CCDC141: variants seen among roughly 807,000 people sequenced by gnomAD.
The protein encoded by CCDC141 is coiled-coil domain-containing protein 141.
In CCDC141, 168 loss-of-function variants were observed where a neutral mutation model predicts 181.0. The observed-to-expected ratio is 0.93, with a 90% CI of 0.82 to 1.05. The LOEUF is 1.05. Among genes scored for constraint, CCDC141 ranks in the 50% least tolerant of loss-of-function variants. CCDC141 has a pLI of 0.00. For missense variants in CCDC141, 1,902 were observed against 1,788.5 expected (o/e 1.06, Z -1.14); for synonymous variants, 666 against 642.3 (o/e 1.04, Z -0.56).
chr2:178,907,484 T>G (rs918186431), intron 7 of CCDC141, among the ~76,000 whole-genome samples: 1 of 152,248 alleles, frequency 6.6e-6, no homozygotes, highest in Non-Finnish European at 1.5e-5. Context: ...AGGAGGGATT[T>G]TAAAACTTAC....
At chr2:179,047,653 T>C (rs1227019217) in intron 1 of CCDC141, among the ~76,000 whole-genome samples, 6 of 152,342 alleles carry the variant, frequency 3.9e-5, no homozygotes, top group East Asian at 1.9e-4. Context: ...TCTTGGCATA[T>C]TGGATTTGAG....
In CCDC141 at chr2:178,944,585, C is replaced by G; in HGVS notation, c.847G>C (p.Asp283His). Residue 283 changes from aspartate (D) to histidine (H), a missense_variant, in exon 6 of 24, where the codon GAC (aspartate) becomes CAC (histidine). By Grantham distance (81) the Asp-to-His change is moderately conservative. Transcript: ENST00000443758. ...QEQSLGSSLSDNEDRIHKQEE... is the reference protein window; with the variant it reads ...QEQSLGSSLSHNEDRIHKQEE... The stretch of plus-strand genomic sequence containing the variant: ...TGCTTATGAATTCGATCCTCATTGT[C>G]TGAAAGTGATGAACCTAGACTTTGT... 6.5e-7 allele frequency: 1 copy of G among 1,540,894 alleles called. No homozygotes were observed.
chr2:178,944,898 C>T (rs1004946587), intron 5 of CCDC141, among the ~76,000 whole-genome samples: 4 of 152,010 alleles, frequency 2.6e-5, no homozygotes, highest in Admixed American at 6.6e-5. Context: ...GATTACATGG[C>T]ATGAATAAAA....
intron 2 of CCDC141, among the ~76,000 whole-genome samples, chr2:179,003,783 A>G (rs1190929146): frequency 2.0e-5 from 3 of 152,218 alleles, no homozygotes; most frequent in African/African-American, 7.2e-5. Context: ...AGTTCAAAAC[A>G]TAAGATATTT....
chr2:179,015,811 T>C (rs1559050698), intron 2 of CCDC141, among the ~76,000 whole-genome samples: 1 of 142,942 alleles, frequency 7.0e-6, no homozygotes, highest in African/African-American at 2.5e-5. Context: ...ATATGTATCA[T>C]ATATATCTCA....
At chr2:178,987,498 C>T (rs1250927512) in intron 2 of CCDC141, among the ~76,000 whole-genome samples, 1 of 152,028 alleles carries the variant, frequency 6.6e-6, no homozygotes, top group Non-Finnish European at 1.5e-5. Context: ...AGCTTCTGCA[C>T]AGCAAAAGAA....
At position 178,855,424 on chromosome 2, in the gene CCDC141, C is replaced by T. The variant is rs752646500; in HGVS notation, c.2983G>A (p.Asp995Asn). 5 of 1,611,828 alleles carry T rather than the reference C, an allele frequency of 3.1e-6. No homozygotes were observed. The highest frequency in any genetic ancestry group is 4.2e-6 in the Non-Finnish European group (5 of 1,179,186). ...TCTGTCACAACTTTGTCAAAGTCAT[C>T]CACATGTTTTTGCAAATCCTTCATG... ...EVMKDLQKHV[D>N]DFDKVVTDYK... is the part of the protein sequence containing the mutation. Residue 995 changes from aspartate to asparagine, a missense_variant, in exon 19 of 24, where the codon GAT becomes AAT. Coordinates refer to ENST00000443758, the MANE Select transcript of CCDC141 (RefSeq NM_173648.4).
chr2:178,900,481 A>G (rs2154372336), intron 8 of CCDC141, among the ~76,000 whole-genome samples: 1 of 152,244 alleles, frequency 6.6e-6, no homozygotes, highest in East Asian at 1.9e-4. Context: ...TGAAATGAAG[A>G]TGTCCATTTC....
At position 178,961,173 on chromosome 2, in the gene CCDC141, C is replaced by T; in HGVS notation, c.780+57G>A. 5.3e-6 allele frequency: 8 copies of T among 1,523,694 alleles called. No homozygotes were observed. In the South Asian group the frequency reaches 1.0e-4, roughly 19 times the overall value. The allele number at this position is 1,523,694 out of a possible 1,614,324, so 94.4% of individuals were successfully genotyped here. A position where few individuals can be genotyped will look rare whatever the true frequency, so the allele number is the denominator to read the frequency against. On this transcript the variant is annotated intron_variant, in intron 5 of 23. Coordinates refer to ENST00000443758, the MANE Select transcript of CCDC141 (RefSeq NM_173648.4). ...CAAACTGCCCCAGGGAATGGTTAAT[C>T]CATATAACAACTAATCAGCTGAGGC...
chr2:179,007,268 C>T (rs1047963597), intron 2 of CCDC141, among the ~76,000 whole-genome samples: 13 of 152,154 alleles, frequency 8.5e-5, no homozygotes, highest in African/African-American at 3.1e-4. Context: ...AGAACCTTGA[C>T]AATGTTACAG....
chr2:178,969,127 A>G (rs1326090243), intron 4 of CCDC141, among the ~76,000 whole-genome samples: 10 of 148,616 alleles, frequency 6.7e-5, no homozygotes, highest in African/African-American at 2.2e-4. Flanking sequence ...AAAAAAAAAA[A>G]AAAGCCCAGG....
chr2:178,840,079 T>C (rs1273757403), intron 22 of CCDC141, among the ~76,000 whole-genome samples: 1 of 152,234 alleles, frequency 6.6e-6, no homozygotes, highest in Non-Finnish European at 1.5e-5. Context: ...TGGATCTGAA[T>C]TGGCCTCCTG....
chr2:179,028,203 C>G (rs899106586), intron 2 of CCDC141, among the ~76,000 whole-genome samples: 1 of 152,186 alleles, frequency 6.6e-6, no homozygotes, highest in African/African-American at 2.4e-5. Flanking sequence ...GGTCATCTGT[C>G]TGCTTTATAA....
chr2:179,015,099 TATATAATATATATATA>T (rs2042412790), intron 2 of CCDC141, among the ~76,000 whole-genome samples: 3 of 50,542 alleles, frequency 5.9e-5, no homozygotes, highest in South Asian at 5.9e-4. Flanking sequence ...TATATATATA[TATATAATATATATATA>T]ATCATATATA....
At chr2:178,835,260 C>T (rs1486279138) in intron 23 of CCDC141, among the ~76,000 whole-genome samples, 2 of 152,134 alleles carry the variant, frequency 1.3e-5, no homozygotes, top group African/African-American at 2.4e-5. Flanking sequence ...AATATCACCT[C>T]CTGATGAGAT....
intron 22 of CCDC141, among the ~76,000 whole-genome samples, chr2:178,842,491 C>T (rs988004732): frequency 1.3e-5 from 2 of 152,186 alleles, no homozygotes; most frequent in African/African-American, 4.8e-5. Flanking sequence ...GGCATAATCC[C>T]TTGCATTTAA....
intron 6 of CCDC141, among the ~76,000 whole-genome samples, chr2:178,931,054 A>G (rs887895497): frequency 2.0e-5 from 3 of 152,222 alleles, no homozygotes; most frequent in Non-Finnish European, 4.4e-5. Flanking sequence ...ATGGTCAGCC[A>G]GTAAATGAAA....
chr2:178,915,917 G>A (rs1575212342), intron 7 of CCDC141: 1 of 152,276 alleles, frequency 6.6e-6, no homozygotes, highest in Admixed American at 6.5e-5. Context: ...ATATCCATCT[G>A]GGTCCATCTG....
At chr2:178,994,896 C>G (rs1307159969) in intron 2 of CCDC141, among the ~76,000 whole-genome samples, 1 of 152,202 alleles carries the variant, frequency 6.6e-6, no homozygotes, top group African/African-American at 2.4e-5. Context: ...CAAAAGTCAT[C>G]TTTGCTCCAG....
Sources: gnomAD v4.1 joint callset for allele counts (sites outside exome capture counted in the v4.1 genomes callset) on GRCh38, gnomAD v4.1.1 for gene constraint, MANE v1.5 for transcripts, NCBI Gene and HGNC (gene_info 2026-07-23, HGNC 2026-07-21) for gene names.